Variants in PER2 observed in about 807,000 individuals in gnomAD.
PER2 encodes the protein period circadian protein homolog 2.
PER2 carries 66 observed loss-of-function variants against 121.0 expected under a neutral mutation model. That is an observed-to-expected ratio of 0.55 (90% confidence interval 0.45 to 0.67). PER2 has a LOEUF of 0.67. Among genes scored for constraint, PER2 ranks in the 30% least tolerant of loss-of-function variants. The pLI is 0.00. For missense variants in PER2, 1,521 were observed against 1,635.0 expected (o/e 0.93, Z 1.20); for synonymous variants, 684 against 659.9 (o/e 1.04, Z -0.56).
chr2:238,248,989 C>T lies in PER2; in HGVS notation c.3618+73G>A, dbSNP rs759116377. On this transcript the variant is annotated intron_variant, in intron 22 of 22. Coordinates refer to ENST00000254657, the MANE Select transcript of PER2 (RefSeq NM_022817.3). ...AAGTTTTAAATTGACAGAAAAGTTG[C>T]AAAGACAGTACAGAGAATCCCCATC... The T allele has an allele frequency of 2.4e-5, 36 of 1,495,802 alleles. No individual in the cohort carries two copies. In the African/African-American group the frequency reaches 4.7e-4, roughly 19 times the overall value. The allele number at this position is 1,495,802 out of a possible 1,614,324, so 92.7% of individuals were successfully genotyped here. A position where few individuals can be genotyped will look rare whatever the true frequency, so the allele number is the denominator to read the frequency against.
chr2:238,277,322 T>G, intron 2 of PER2, 129 bp from the exon 3 acceptor site: 2 of 765,366 alleles, frequency 2.6e-6, no homozygotes, highest in Non-Finnish European at 4.7e-6. Context: ...AAATACAAGG[T>G]TAAGATAAAA....
At chr2:238,247,936 T>C (rs893288570) in intron 22 of PER2, among the ~76,000 whole-genome samples, 9 of 152,202 alleles carry the variant, frequency 5.9e-5, no homozygotes, top group African/African-American at 2.2e-4. Context: ...CCAGGGTTCA[T>C]GCCATGGAAG....
chr2:238,267,904 A>G, intron 8 of PER2, 152 bp downstream of exon 8: 1 of 816,202 alleles, frequency 1.2e-6, no homozygotes, highest in Non-Finnish European at 2.0e-6. Context: ...AGTCTCCAGA[A>G]AGATGGAGAC....
Position 238,258,846 on chromosome 2 carries a change from G to A in PER2, c.1628-202C>T, listed in dbSNP as rs748431438. Among the ~76,000 whole-genome samples the A allele has an allele frequency of 1.3e-5, 2 of 152,090 alleles. 1 individual carries two copies. Among genetic ancestry groups the A allele is most frequent in the Admixed American group, 1.3e-4 (2 of 15,272 alleles). On this transcript the variant is annotated intron_variant, in intron 14 of 22. Transcript: ENST00000254657. ...AGTGCCGTCCACAGAGAGACCTGGG[G>A]GGGGAGCTGCTGCCCAGCCTGGTGT...
rs1430133812 is a variant in PER2, at chr2:238,277,197, T to A, written c.231-4A>T. On this transcript the variant is annotated splice_polypyrimidine_tract_variant and splice_region_variant and intron_variant, in intron 2 of 22. Coordinates refer to ENST00000254657, the MANE Select transcript of PER2 (RefSeq NM_022817.3). Reference sequence around the variant, plus strand: ...CATCAGGCTAAAGGTATCTGGACTATGAAAACAAAAAATAAAAGCAAAATT... The same window carrying A: ...CATCAGGCTAAAGGTATCTGGACTAAGAAAACAAAAAATAAAAGCAAAATT... The A allele has an allele frequency of 1.2e-6, 2 of 1,608,914 alleles. No homozygotes were observed. The highest frequency in any genetic ancestry group is 2.7e-5 in the African/African-American group (2 of 74,808).
chr2:238,296,076 T>C, the PER2 span, among the ~76,000 whole-genome samples: 11 of 75,822 alleles, frequency 1.5e-4, no homozygotes, highest in African/African-American at 5.4e-4. Flanking sequence ...GAGTCAGTCG[T>C]GTGCCCTCCT....
intron 14 of PER2, among the ~76,000 whole-genome samples, chr2:238,259,602 C>T (rs1274357377): frequency 1.3e-5 from 2 of 152,248 alleles, no homozygotes; most frequent in African/African-American, 4.8e-5. Flanking sequence ...CACAGCCATA[C>T]AGCTACTCTG....
chr2:238,251,187 G>A (rs1474418144), intron 20 of PER2, among the ~76,000 whole-genome samples: 1 of 152,210 alleles, frequency 6.6e-6, no homozygotes, highest in East Asian at 1.9e-4. Context: ...CTTCAATTTT[G>A]TGGAGAGTGT....
At chr2:238,283,898 T>C (rs1028213267) in intron 1 of PER2, among the ~76,000 whole-genome samples, 1 of 152,098 alleles carries the variant, frequency 6.6e-6, no homozygotes, top group African/African-American at 2.4e-5. Context: ...GAGTGAGTCA[T>C]TAAGGTGATC....
At chr2:238,294,939 G>A (rs189033525), upstream of PER2, among the ~76,000 whole-genome samples, 6 of 152,340 alleles carry the variant, frequency 3.9e-5, no homozygotes, top group East Asian at 1.2e-3. Flanking sequence ...GGACTCACAG[G>A]TGGGGATGGC....
chr2:238,258,249 G>A, intron 16 of PER2, 27 bp downstream of exon 16: 1 of 1,613,088 alleles, frequency 6.2e-7, no homozygotes, highest in South Asian at 1.1e-5. Flanking sequence ...TATTTCACAT[G>A]TACATGGCTC....
intron 22 of PER2, chr2:238,248,832 T>C: frequency 2.1e-6 from 1 of 481,050 alleles, no homozygotes; most frequent in Non-Finnish European, 3.9e-6. Flanking sequence ...ATTTTTTGTA[T>C]TTTTAGTAGA....
chr2:238,289,012 C>T (rs574533723), upstream of PER2: 2 of 152,344 alleles, frequency 1.3e-5, no homozygotes, highest in South Asian at 4.1e-4. Context: ...TACCCGTCGT[C>T]CTCCCTAGTG....
chr2:238,296,019 T>C, the PER2 span, among the ~76,000 whole-genome samples: 19 of 151,330 alleles, frequency 1.3e-4, no homozygotes, highest in African/African-American at 4.4e-4. Context: ...GCAGAGTCAG[T>C]CGTGTGCCCT....
At chr2:238,291,916 C>A (rs536953142), upstream of PER2, among the ~76,000 whole-genome samples, 326 of 152,340 alleles carry the variant, frequency 2.1e-3, 2 homozygotes, top group Non-Finnish European at 3.5e-3. Context: ...TCTTCCAGCT[C>A]TTTGGGAGGC....
chr2:238,275,651 G>A (rs532049419), intron 4 of PER2, 92 bp downstream of exon 4: 2 of 1,414,930 alleles, frequency 1.4e-6, no homozygotes, highest in African/African-American at 2.8e-5. Flanking sequence ...TGAGCCTCGA[G>A]TTTTAGAAAG....
At chr2:238,265,868 C>T (rs991713570) in intron 8 of PER2, among the ~76,000 whole-genome samples, 1 of 151,726 alleles carries the variant, frequency 6.6e-6, no homozygotes, top group Non-Finnish European at 1.5e-5. Flanking sequence ...GTAAAGACTA[C>T]TCTTAGCAAA....
At chr2:238,266,202 C>CT (rs1696106468) in intron 8 of PER2, among the ~76,000 whole-genome samples, 2 of 152,030 alleles carry the variant, frequency 1.3e-5, no homozygotes, top group Non-Finnish European at 2.9e-5. Context: ...TGCGCCCGGC[C>CT]CCATCTTTAT....
chr2:238,246,269 T>G lies in PER2; in HGVS notation c.*106A>C. ...TTTTTCTAAAACAAAAAAAGCAACA[T>G]GAGCATATGTGTCCATTTCAGTGGA... On this transcript the variant is annotated 3_prime_UTR_variant, in exon 23 of 23. Transcript: ENST00000254657. The G allele has an allele frequency of 6.8e-6, 5 of 734,070 alleles. No individual in the cohort carries two copies. Among genetic ancestry groups the G allele is most frequent in the South Asian group, 3.1e-5 (1 of 32,394 alleles). The allele number at this position is 734,070 out of a possible 1,614,324, so 45.5% of individuals were successfully genotyped here. A position where few individuals can be genotyped will look rare whatever the true frequency, so the allele number is the denominator to read the frequency against.
Sources: gnomAD v4.1 joint callset for allele counts (sites outside exome capture counted in the v4.1 genomes callset) on GRCh38, gnomAD v4.1.1 for gene constraint, MANE v1.5 for transcripts, NCBI Gene and HGNC (gene_info 2026-07-23, HGNC 2026-07-21) for gene names.